Variants in PDZD8 observed in about 807,000 individuals in gnomAD.
PDZD8 encodes the protein PDZ domain-containing protein 8.
A neutral mutation model predicts 85.8 loss-of-function variants in PDZD8; 14 were observed. That is an observed-to-expected ratio of 0.16 (90% CI 0.11 to 0.26). The LOEUF (loss-of-function observed/expected upper bound fraction) is 0.26, where lower values mean the gene tolerates loss of function less well. PDZD8 is among the 10% of genes least tolerant of loss of function. The probability of loss-of-function intolerance (pLI) is 1.00; values close to 1 mark genes in which losing one functional copy is unlikely to be tolerated. For synonymous variants in PDZD8, 592 were observed against 568.6 expected (o/e 1.04, Z -0.59); for missense variants, 1,197 against 1,424.3 (o/e 0.84, Z 2.57).
intron 2 of PDZD8, among the ~76,000 whole-genome samples, chr10:117,326,868 T>C (rs1161408014): frequency 5.9e-5 from 9 of 152,164 alleles, no homozygotes; most frequent in Admixed American, 5.9e-4. Context: ...TTAAAGAGAC[T>C]CAGGTACAAA....
intron 3 of PDZD8, among the ~76,000 whole-genome samples, chr10:117,294,004 T>C (rs1385909758): frequency 6.6e-6 from 1 of 152,028 alleles, no homozygotes; most frequent in Non-Finnish European, 1.5e-5. Context: ...TCAAATGAAA[T>C]GATGAAAATG....
At chr10:117,327,180 G>A (rs1844331921) in intron 2 of PDZD8, among the ~76,000 whole-genome samples, 1 of 152,182 alleles carries the variant, frequency 6.6e-6, no homozygotes, top group South Asian at 2.1e-4. Context: ...TGTTGAAACT[G>A]GCAATGCAGA....
intron 3 of PDZD8, among the ~76,000 whole-genome samples, chr10:117,296,040 T>C (rs2133773002): frequency 6.6e-6 from 1 of 152,048 alleles, no homozygotes; most frequent in South Asian, 2.1e-4. Context: ...ACTCTGTCTT[T>C]ATTTGCAGAT....
intron 1 of PDZD8, among the ~76,000 whole-genome samples, chr10:117,369,302 G>A (rs1314101322): frequency 6.6e-6 from 1 of 151,620 alleles, no homozygotes; most frequent in Non-Finnish European, 1.5e-5. Context: ...GGAATTACAG[G>A]CATGTGCCAC....
intron 1 of PDZD8, among the ~76,000 whole-genome samples, chr10:117,346,576 G>C (rs1022342755): frequency 6.6e-6 from 1 of 151,868 alleles, no homozygotes; most frequent in Non-Finnish European, 1.5e-5. Context: ...ATAAAAAGCA[G>C]CCCCCAAATC....
chr10:117,318,613 A>G (rs1844170841), intron 3 of PDZD8, among the ~76,000 whole-genome samples: 2 of 152,192 alleles, frequency 1.3e-5, no homozygotes, highest in Admixed American at 6.5e-5. Context: ...TTCTAATTTC[A>G]TAACTGAAGC....
At chr10:117,304,586 A>G (rs1365762929) in intron 3 of PDZD8, among the ~76,000 whole-genome samples, 1 of 152,120 alleles carries the variant, frequency 6.6e-6, no homozygotes. Flanking sequence ...CCTCCACCCA[A>G]TTCTCATCTT....
At chr10:117,366,687 C>T (rs547437834) in intron 1 of PDZD8, among the ~76,000 whole-genome samples, 22 of 152,188 alleles carry the variant, frequency 1.4e-4, no homozygotes, top group Non-Finnish European at 2.9e-4. Context: ...GGCCTAACAG[C>T]AGCTAGTTTG....
chr10:117,298,058 G>C (rs932249102), intron 3 of PDZD8, among the ~76,000 whole-genome samples: 1 of 151,964 alleles, frequency 6.6e-6, no homozygotes, highest in South Asian at 2.1e-4. Flanking sequence ...ATATTTATAT[G>C]GTTTTTTAAA....
chr10:117,338,651 C>T (rs181438), intron 2 of PDZD8, among the ~76,000 whole-genome samples: 47,475 of 152,010 alleles, frequency 0.31, 7,758 homozygotes, highest in East Asian at 0.51. Context: ...CTCACTTATC[C>T]TTTCAGAGAT....
At chr10:117,363,753 G>A (rs1845037107) in intron 1 of PDZD8, among the ~76,000 whole-genome samples, 1 of 152,080 alleles carries the variant, frequency 6.6e-6, no homozygotes, top group Non-Finnish European at 1.5e-5. Context: ...TCAAAGTTAT[G>A]CAAATCAAAG....
chr10:117,307,397 TTGCTTAA>T (rs1288082779), intron 3 of PDZD8, among the ~76,000 whole-genome samples: 1 of 152,038 alleles, frequency 6.6e-6, no homozygotes, highest in Non-Finnish European at 1.5e-5. Flanking sequence ...ATACTTCCTT[TTGCTTAA>T]TGGCCTCCTA....
chr10:117,283,622 C>A lies in PDZD8; in HGVS notation c.3111G>T (p.Glu1037Asp), dbSNP rs1024646090. The A allele has an allele frequency of 6.2e-7, 1 of 1,614,072 alleles. No homozygotes were observed. The highest frequency in any genetic ancestry group is 1.3e-5 in the African/African-American group (1 of 74,918). The change falls in exon 5 of 5, where the codon GAG becomes GAT. Residue 1037 changes from glutamate (E) to aspartate (D), a missense_variant. Physicochemically the swap from Glu to Asp is conservative, Grantham distance 45. This residue lies in a region of PDZD8 where 418 missense variants were observed against 571.1 expected (regional missense o/e 0.73). Coordinates refer to ENST00000334464, the MANE Select transcript of PDZD8 (RefSeq NM_173791.5). ...LPTEERIQKL[E>D]FMLDKLQNEI... ...CATTCTGTAGCTTATCCAACATGAA[C>A]TCTAGTTTCTGGATCCTTTCCTCTG... is the stretch of plus-strand genomic sequence containing the variant.
intron 3 of PDZD8, among the ~76,000 whole-genome samples, chr10:117,306,568 G>T (rs1041633884): frequency 5.3e-5 from 8 of 151,906 alleles, no homozygotes; most frequent in African/African-American, 9.7e-5. Flanking sequence ...ACCAGGTCAG[G>T]CCTCAACTTC....
chr10:117,281,458 G>C lies in PDZD8; in HGVS notation c.*1810C>G, dbSNP rs1031685752. 3 of 150,902 alleles carry C rather than the reference G, an allele frequency of 2.0e-5. No homozygotes were observed. Among genetic ancestry groups the C allele is most frequent in the African/African-American group, 7.3e-5 (3 of 40,878 alleles). The allele number at this position is 150,902 out of a possible 1,614,324, so 9.3% of individuals were successfully genotyped here. On this transcript the variant is annotated 3_prime_UTR_variant, in exon 5 of 5. Transcript: ENST00000334464. ...TTTGTTATAAACTTGGCTAAGAAAG[G>C]TATTTAGTACCTGAAATTTTCGCTT...
At chr10:117,358,219 C>T (rs1844934240) in intron 1 of PDZD8, among the ~76,000 whole-genome samples, 1 of 152,048 alleles carries the variant, frequency 6.6e-6, no homozygotes, top group Non-Finnish European at 1.5e-5. Context: ...TTGAGTAACT[C>T]GTTTAACCTT....
chr10:117,314,727 G>T (rs977966439), intron 3 of PDZD8, among the ~76,000 whole-genome samples: 2 of 152,104 alleles, frequency 1.3e-5, no homozygotes, highest in Non-Finnish European at 2.9e-5. Context: ...TTTAAACAAG[G>T]GCAAAAGCTT....
chr10:117,336,013 G>A (rs1005127660), intron 2 of PDZD8, among the ~76,000 whole-genome samples: 5 of 152,188 alleles, frequency 3.3e-5, no homozygotes, highest in Non-Finnish European at 7.3e-5. Context: ...TTAGGACCAG[G>A]AGTGCTTCAG....
At chr10:117,293,504 T>C (rs1316742197) in intron 3 of PDZD8, among the ~76,000 whole-genome samples, 3 of 152,004 alleles carry the variant, frequency 2.0e-5, no homozygotes, top group African/African-American at 4.8e-5. Flanking sequence ...TTCCAATATA[T>C]ACAAAAGTAC....
Sources: gnomAD v4.1 joint callset for allele counts (sites outside exome capture counted in the v4.1 genomes callset) on GRCh38, gnomAD v4.1.1 for gene constraint, gnomAD v4.1.1 regional missense constraint, MANE v1.5 for transcripts, NCBI Gene and HGNC (gene_info 2026-07-23, HGNC 2026-07-21) for gene names.